The following MAML2 variants were observed in gnomAD, a reference collection of about 807,000 sequenced individuals.
MAML2 encodes the protein mastermind like transcriptional coactivator 2.
A neutral mutation model predicts 96.1 loss-of-function variants in MAML2; 22 were observed. The observed-to-expected ratio is 0.23, with a 90% CI of 0.16 to 0.33. The LOEUF (loss-of-function observed/expected upper bound fraction) is 0.33, where lower values mean the gene tolerates loss of function less well. Ranked by LOEUF, MAML2 falls within the 10% of genes least tolerant of loss-of-function variation. The pLI, the probability that MAML2 is intolerant of heterozygous loss-of-function variation, is 1.00. For synonymous variants in MAML2, 561 were observed against 521.3 expected (o/e 1.08, Z -1.04); for missense variants, 1,367 against 1,392.4 (o/e 0.98, Z 0.29).
chr11:96,121,599 T>C (rs1860340477), intron 1 of MAML2, among the ~76,000 whole-genome samples: 1 of 151,878 alleles, frequency 6.6e-6, no homozygotes, highest in Admixed American at 6.6e-5. Context: ...CATAATGAAC[T>C]CATCCAGTAT....
intron 1 of MAML2, among the ~76,000 whole-genome samples, chr11:96,160,876 C>G (rs1028110948): frequency 6.6e-6 from 1 of 152,142 alleles, no homozygotes; most frequent in African/African-American, 2.4e-5. Flanking sequence ...ATTATAAGTG[C>G]GCACTTGGGT....
chr11:96,009,776 G>A (rs1413560947), intron 2 of MAML2, among the ~76,000 whole-genome samples: 1 of 152,216 alleles, frequency 6.6e-6, no homozygotes, highest in Non-Finnish European at 1.5e-5. Flanking sequence ...ACAATGTTGT[G>A]TAGAGAGTGA....
intron 3 of MAML2, 26 bp downstream of exon 3, chr11:95,991,494 C>G (rs488398): frequency 0.28 from 457,131 of 1,606,714 alleles, 66,352 homozygotes; most frequent in African/African-American, 0.39. Context: ...CAGGTTTGTT[C>G]AGTAGAAATT....
At chr11:96,184,591 CT>C (rs35327027) in intron 1 of MAML2, among the ~76,000 whole-genome samples, 67 of 128,186 alleles carry the variant, frequency 5.2e-4, no homozygotes, top group East Asian at 6.9e-4. Context: ...AGTCATTTTA[CT>C]TTTTTTTTTT....
chr11:96,063,584 CATA>C (rs1439756692), intron 2 of MAML2, among the ~76,000 whole-genome samples: 26 of 152,222 alleles, frequency 1.7e-4, no homozygotes, highest in Non-Finnish European at 4.4e-5. Context: ...CATTATTACC[CATA>C]ATATGTAATA....
intron 1 of MAML2, among the ~76,000 whole-genome samples, chr11:96,199,672 G>T (rs540747922): frequency 1.3e-5 from 2 of 152,126 alleles, no homozygotes; most frequent in African/African-American, 4.8e-5. Flanking sequence ...GTTTTACCAC[G>T]CCCCTCCTAT....
At position 96,215,083 on chromosome 11, in the gene MAML2, T is replaced by A. The variant is rs77997678; in HGVS notation, c.514-121566A>T. On this transcript the variant is annotated intron_variant, in intron 1 of 4. Coordinates refer to ENST00000524717, the MANE Select transcript of MAML2 (RefSeq NM_032427.4). Reference sequence around the variant, plus strand: ...GTGTGTCCATTTCTTGCACTAGGAATATGGGAAAGCTGCTTAAGAAACTGC... The same window carrying A: ...GTGTGTCCATTTCTTGCACTAGGAAAATGGGAAAGCTGCTTAAGAAACTGC... 2.3e-3 allele frequency among the ~76,000 whole-genome samples: 356 copies of A among 152,350 alleles called. 1 individual carries two copies. In the Middle Eastern group the frequency reaches 0.027, roughly 12 times the overall value.
intron 1 of MAML2, among the ~76,000 whole-genome samples, chr11:96,335,534 T>G (rs565856792): frequency 2.1e-4 from 32 of 152,240 alleles, no homozygotes; most frequent in African/African-American, 7.5e-4. Context: ...AGTATATAAC[T>G]CACCATGAAT....
intron 2 of MAML2, among the ~76,000 whole-genome samples, chr11:96,073,803 T>C (rs1239731450): frequency 1.3e-5 from 2 of 152,212 alleles, no homozygotes; most frequent in African/African-American, 4.8e-5. Context: ...TATTTACTTA[T>C]TTGGTAAGTT....
intron 1 of MAML2, among the ~76,000 whole-genome samples, chr11:96,265,508 C>T (rs577827400): frequency 6.6e-6 from 1 of 152,060 alleles, no homozygotes; most frequent in African/African-American, 2.4e-5. Context: ...AGGCATGGTC[C>T]CAGGTTAGGA....
Position 96,235,318 on chromosome 11 carries a change from G to A in MAML2, c.513+106065C>T, listed in dbSNP as rs549083611. On this transcript the variant is annotated intron_variant, in intron 1 of 4. Coordinates refer to ENST00000524717, the MANE Select transcript of MAML2 (RefSeq NM_032427.4). ...AGACACACTCTTTTGTTTATGTATT[G>A]TCTATGGCTGCTTTTGGGCTCCAAG... Among the ~76,000 whole-genome samples the A allele has an allele frequency of 2.0e-5, 3 of 152,246 alleles. No individual in the cohort carries two copies. In the East Asian group the frequency reaches 5.8e-4, roughly 29 times the overall value.
chr11:96,155,760 A>G (rs946819121), intron 1 of MAML2, among the ~76,000 whole-genome samples: 37 of 151,630 alleles, frequency 2.4e-4, no homozygotes, highest in African/African-American at 8.5e-4. Context: ...TTCCAGAAGC[A>G]AAGGCCCAAC....
intron 1 of MAML2, among the ~76,000 whole-genome samples, chr11:96,188,937 G>A (rs1013063074): frequency 1.3e-5 from 2 of 151,992 alleles, no homozygotes; most frequent in African/African-American, 2.4e-5. Flanking sequence ...AAACAAATAA[G>A]CAAAAGATTT....
In MAML2 at chr11:96,172,208, C is replaced by T. The variant is rs924840698; in HGVS notation, c.514-78691G>A. Reference sequence around the variant, plus strand: ...GAATGAATACATGAATGCTTAAAACCTCATTGCAGGCCATTCTCCCTGTGG... The same window carrying T: ...GAATGAATACATGAATGCTTAAAACTTCATTGCAGGCCATTCTCCCTGTGG... On this transcript the variant is annotated intron_variant, in intron 1 of 4. Transcript: ENST00000524717. Among the ~76,000 whole-genome samples the T allele has an allele frequency of 2.6e-5, 4 of 152,330 alleles. No individual in the cohort carries two copies. The East Asian group carries it at 7.7e-4, about 29-fold the overall frequency.
intron 2 of MAML2, among the ~76,000 whole-genome samples, chr11:96,060,187 A>T (rs1183842960): frequency 1.3e-5 from 2 of 152,210 alleles, no homozygotes; most frequent in African/African-American, 2.4e-5. Context: ...ATCGTTTTGT[A>T]AGGTTATAAA....
intron 2 of MAML2, among the ~76,000 whole-genome samples, chr11:95,993,707 AAAT>A (rs1422111320): frequency 6.6e-6 from 1 of 152,198 alleles, no homozygotes; most frequent in Non-Finnish European, 1.5e-5. Flanking sequence ...GAGCTGAAAT[AAAT>A]AAACAAGTAA....
intron 1 of MAML2, among the ~76,000 whole-genome samples, chr11:96,179,834 C>G (rs528755908): frequency 2.4e-4 from 37 of 152,164 alleles, no homozygotes; most frequent in Non-Finnish European, 4.6e-4. Context: ...GCCAACTTGT[C>G]AGTTTCTCAG....
At chr11:96,115,026 G>C (rs1860210188) in intron 1 of MAML2, among the ~76,000 whole-genome samples, 1 of 152,142 alleles carries the variant, frequency 6.6e-6, no homozygotes, top group African/African-American at 2.4e-5. Flanking sequence ...TTCTTCAGGA[G>C]AGGACACGGA....
intron 2 of MAML2, among the ~76,000 whole-genome samples, chr11:96,058,937 C>T (rs750417916): frequency 6.6e-6 from 1 of 152,150 alleles, no homozygotes; most frequent in Non-Finnish European, 1.5e-5. Flanking sequence ...CAAAAATTAG[C>T]TAGGCATGGT....
Sources: gnomAD v4.1 joint callset for allele counts (sites outside exome capture counted in the v4.1 genomes callset) on GRCh38, gnomAD v4.1.1 for gene constraint, MANE v1.5 for transcripts, NCBI Gene and HGNC (gene_info 2026-07-23, HGNC 2026-07-21) for gene names.